The following PKNOX2 variants were observed in gnomAD, a reference collection of about 807,000 sequenced individuals.
The protein encoded by PKNOX2 is PBX/knotted 1 homeobox 2.
PKNOX2 carries 14 observed loss-of-function variants against 53.1 expected under a neutral mutation model. That is an observed-to-expected ratio of 0.26 (90% CI 0.17 to 0.41). PKNOX2 has a LOEUF of 0.41. Among genes scored for constraint, PKNOX2 ranks in the 10% least tolerant of loss-of-function variants. The probability of loss-of-function intolerance (pLI) is 1.00; values close to 1 mark genes in which losing one functional copy is unlikely to be tolerated. For synonymous variants in PKNOX2, 257 were observed against 242.8 expected (o/e 1.06, Z -0.54); for missense variants, 496 against 602.8 (o/e 0.82, Z 1.85).
At chr11:125,398,537 C>T (rs1243575398) in intron 7 of PKNOX2, among the ~76,000 whole-genome samples, 1 of 152,220 alleles carries the variant, frequency 6.6e-6, no homozygotes, top group Non-Finnish European at 1.5e-5. Flanking sequence ...CCTGCTGCTC[C>T]CTAATCATTC....
intron 5 of PKNOX2, among the ~76,000 whole-genome samples, chr11:125,378,607 G>A (rs1952990166): frequency 6.6e-6 from 1 of 152,226 alleles, no homozygotes; most frequent in Non-Finnish European, 1.5e-5. Flanking sequence ...GTCAGTCACA[G>A]GAAAGGAGGT....
intron 2 of PKNOX2, chr11:125,288,047 C>T (rs1447048471): frequency 6.6e-6 from 1 of 152,256 alleles, no homozygotes; most frequent in Non-Finnish European, 1.5e-5. Context: ...GCAGGACAGC[C>T]CCTCCACCTG....
rs116255214 is a variant in PKNOX2 at position 125,358,920 on chromosome 11, G to A, written c.87+7528G>A. On this transcript the variant is annotated intron_variant, in intron 4 of 12. Transcript: ENST00000298282. ...GACAGGCAAAGGGCCTGGTGTTGCC[G>A]GTGTTGGGGTCCGTTCAGATGAGGC... is the stretch of plus-strand genomic sequence containing the variant. Among the ~76,000 whole-genome samples, 1,411 of 152,338 alleles carry A rather than the reference G, an allele frequency of 9.3e-3. 17 individuals are homozygous for A. The highest frequency in any genetic ancestry group is 0.032 in the African/African-American group (1,318 of 41,578).
At chr11:125,213,146 C>T (rs2135458397) in intron 1 of PKNOX2, among the ~76,000 whole-genome samples, 1 of 152,240 alleles carries the variant, frequency 6.6e-6, no homozygotes, top group East Asian at 1.9e-4. Flanking sequence ...GAATTTTATT[C>T]TCCCCCATCT....
At chr11:125,241,994 G>A (rs564196970) in intron 2 of PKNOX2, among the ~76,000 whole-genome samples, 1 of 152,340 alleles carries the variant, frequency 6.6e-6, no homozygotes, top group East Asian at 1.9e-4. Flanking sequence ...GATGGATGGT[G>A]AAGGTGGAGG....
chr11:125,273,357 A>C (rs1945943255), intron 2 of PKNOX2, among the ~76,000 whole-genome samples: 1 of 152,204 alleles, frequency 6.6e-6, no homozygotes, highest in Non-Finnish European at 1.5e-5. Context: ...GGGAGAATGC[A>C]AAAGGAGGAT....
intron 2 of PKNOX2, chr11:125,330,509 T>C (rs1021612387): frequency 1.3e-5 from 2 of 152,276 alleles, no homozygotes; most frequent in Admixed American, 6.5e-5. Context: ...GTTTTTGTTT[T>C]AATCCAGAGA....
chr11:125,208,879 C>T (rs73617533), intron 1 of PKNOX2, among the ~76,000 whole-genome samples: 3,226 of 151,970 alleles, frequency 0.021, 119 homozygotes, highest in African/African-American at 0.073. Flanking sequence ...AGGGCTGTGA[C>T]TGAGAAATGG....
chr11:125,252,924 G>A (rs1944115039), intron 2 of PKNOX2, among the ~76,000 whole-genome samples: 1 of 152,180 alleles, frequency 6.6e-6, no homozygotes, highest in Admixed American at 6.5e-5. Context: ...GCAGGTCACT[G>A]ATTGGCTCCA....
intron 5 of PKNOX2, among the ~76,000 whole-genome samples, chr11:125,384,686 A>C (rs1430034280): frequency 1.3e-5 from 2 of 152,150 alleles, no homozygotes; most frequent in African/African-American, 4.8e-5. Context: ...CTCCGTCTCA[A>C]AAAAAACAAA....
chr11:125,274,368 G>A (rs913421090), intron 2 of PKNOX2, among the ~76,000 whole-genome samples: 3 of 152,132 alleles, frequency 2.0e-5, no homozygotes, highest in East Asian at 1.9e-4. Context: ...ATCCCAGCTC[G>A]CTGAGGGGTT....
chr11:125,314,146 CT>C (rs980964717), intron 2 of PKNOX2, among the ~76,000 whole-genome samples: 2 of 152,150 alleles, frequency 1.3e-5, no homozygotes, highest in African/African-American at 4.8e-5. Flanking sequence ...AGCCCTGACT[CT>C]GGGGACAGTT....
At position 125,431,571 on chromosome 11, in the gene PKNOX2, T is replaced by G. The variant is rs1235339719; in HGVS notation, c.*179T>G. 5 of 709,600 alleles carry G rather than the reference T, an allele frequency of 7.0e-6. No homozygotes were observed. In the African/African-American group the frequency reaches 9.0e-5, roughly 13 times the overall value. The allele number at this position is 709,600 out of a possible 1,614,324, so 44.0% of individuals were successfully genotyped here. On this transcript the variant is annotated 3_prime_UTR_variant, in exon 13 of 13. Coordinates refer to ENST00000298282, the MANE Select transcript of PKNOX2 (RefSeq NM_001382323.2). ...ACCTGTTCCTTCCCAACCACCGAGC[T>G]TCAATGAGGACCCCAGCCCCACTTC...
intron 1 of PKNOX2, among the ~76,000 whole-genome samples, chr11:125,178,931 C>T (rs140267755): frequency 1.1e-4 from 17 of 151,950 alleles, no homozygotes; most frequent in South Asian, 8.3e-4. Context: ...AGGTGGCAGC[C>T]GGGACAATGA....
intron 4 of PKNOX2, among the ~76,000 whole-genome samples, chr11:125,362,551 T>G (rs567250960): frequency 1.3e-5 from 2 of 152,102 alleles, no homozygotes; most frequent in Non-Finnish European, 2.9e-5. Context: ...TTTTACTTTT[T>G]GCAGAGATGG....
chr11:125,426,150 G>A (rs897931742), intron 10 of PKNOX2, among the ~76,000 whole-genome samples: 3 of 152,178 alleles, frequency 2.0e-5, no homozygotes, highest in Non-Finnish European at 2.9e-5. Context: ...AAGGCTGGAG[G>A]ATTTCCTTCT....
At chr11:125,328,362 TGAGA>T (rs140583326) in intron 2 of PKNOX2, among the ~76,000 whole-genome samples, 9 of 132,418 alleles carry the variant, frequency 6.8e-5, no homozygotes, top group South Asian at 2.3e-4. Context: ...AGAGAGTGAG[TGAGA>T]GAGAGAGAGA....
At chr11:125,246,050 G>A (rs1414855304) in intron 2 of PKNOX2, among the ~76,000 whole-genome samples, 1 of 152,164 alleles carries the variant, frequency 6.6e-6, no homozygotes. Context: ...CAATTCCTGG[G>A]GTTCTACCTA....
chr11:125,196,909 G>T (rs1937762889), intron 1 of PKNOX2, among the ~76,000 whole-genome samples: 1 of 152,206 alleles, frequency 6.6e-6, no homozygotes, highest in African/African-American at 2.4e-5. Context: ...CTTTGTAGTA[G>T]TGCCTGGTAT....
Sources: gnomAD v4.1 joint callset for allele counts (sites outside exome capture counted in the v4.1 genomes callset) on GRCh38, gnomAD v4.1.1 for gene constraint, MANE v1.5 for transcripts, NCBI Gene and HGNC (gene_info 2026-07-23, HGNC 2026-07-21) for gene names.